Variants in ANKRD62 observed in about 807,000 individuals in gnomAD.
ANKRD62 encodes the protein ankyrin repeat domain-containing protein 62.
In ANKRD62, 61 loss-of-function variants were observed where a neutral mutation model predicts 98.8. That is an observed-to-expected ratio of 0.62 (90% CI 0.50 to 0.76). The LOEUF is 0.76. Among genes scored for constraint, ANKRD62 ranks in the 30% least tolerant of loss-of-function variants. ANKRD62 has a pLI of 0.00. For missense variants in ANKRD62, 933 were observed against 1,082.9 expected (o/e 0.86, Z 1.94); for synonymous variants, 341 against 367.9 (o/e 0.93, Z 0.84).
Position 12,125,813 on chromosome 18 carries a change from A to C in ANKRD62, c.1992A>C (p.Leu664=). The change falls in exon 13 of 14, where the codon CTA becomes CTC. Residue 664 remains leucine, a synonymous_variant. Coordinates refer to ENST00000587848, the MANE Select transcript of ANKRD62 (RefSeq NM_001277333.2). The part of the protein sequence containing the change: ...ESYRCRLAAA[L]CDHDQRQSSK... ...ACCGTTGTAGACTGGCTGCTGCCCTATGTGATCATGATCAACGTCAGTCAT... is the reference window on the plus strand; with the variant it reads ...ACCGTTGTAGACTGGCTGCTGCCCTCTGTGATCATGATCAACGTCAGTCAT... 6.5e-7 allele frequency: 1 copy of C among 1,549,576 alleles called. No homozygotes were observed. Among genetic ancestry groups the C allele is most frequent in the Non-Finnish European group, 8.7e-7 (1 of 1,147,204 alleles).
rs542102374 is a variant in ANKRD62 at position 12,102,901 on chromosome 18, T to C, written c.821-257T>C. Reference sequence around the variant, plus strand: ...TCATTTATATTGTTGGGTGGATTCATTTGTGAGCGAATCTTTGAGATGTTG... The same window carrying C: ...TCATTTATATTGTTGGGTGGATTCACTTGTGAGCGAATCTTTGAGATGTTG... On this transcript the variant is annotated intron_variant, in intron 6 of 13. Coordinates refer to ENST00000587848, the MANE Select transcript of ANKRD62 (RefSeq NM_001277333.2). 5 of 560,914 alleles carry C rather than the reference T, an allele frequency of 8.9e-6. No individual in the cohort carries two copies. In the South Asian group the frequency reaches 2.5e-4, roughly 29 times the overall value. 34.7% of individuals were successfully genotyped at this position (560,914 alleles called of 1,614,324 possible).
downstream of ANKRD62, among the ~76,000 whole-genome samples, chr18:12,130,846 C>G (rs542616906): frequency 2.0e-5 from 3 of 152,178 alleles, no homozygotes; most frequent in Admixed American, 1.3e-4. Context: ...TGCGTGCAGC[C>G]ACACCAGGCT....
chr18:12,139,218 A>G, the ANKRD62 span, among the ~76,000 whole-genome samples: 2 of 151,936 alleles, frequency 1.3e-5, no homozygotes, highest in African/African-American at 2.4e-5. Context: ...TTCCTTCAGG[A>G]GCTCTTTTAG....
chr18:12,130,202 T>TA (rs34956292), downstream of ANKRD62, among the ~76,000 whole-genome samples: 46,917 of 151,884 alleles, frequency 0.31, 7,918 homozygotes, highest in Middle Eastern at 0.4. Context: ...AAAACAAAGG[T>TA]AAAAAAATAA....
At chr18:12,162,018 G>A in the ANKRD62 span, among the ~76,000 whole-genome samples, 1 of 152,070 alleles carries the variant, frequency 6.6e-6, no homozygotes, top group Non-Finnish European at 1.5e-5. Context: ...AGAATCTAAT[G>A]TCCTTTCTTT....
chr18:12,139,920 G>T, the ANKRD62 span, among the ~76,000 whole-genome samples: 57 of 152,200 alleles, frequency 3.7e-4, no homozygotes, highest in Admixed American at 1.4e-3. Context: ...GAAGTTCTCC[G>T]GGATAATATC....
rs1201241888 is a variant in ANKRD62, at chr18:12,125,891, T to C, written c.2070T>C (p.His690=). 6.5e-7 allele frequency: 1 copy of C among 1,542,694 alleles called. No individual in the cohort carries two copies. Among genetic ancestry groups the C allele is most frequent in the South Asian group, 1.2e-5 (1 of 84,060 alleles). The part of the protein sequence containing the change: ...AFQSTVNEWC[H]LQEDTNSHIQ... ...AGAGCACAGTGAATGAATGGTGTCA[T>C]TTACAAGAAGACACTAATTCTCACA... The change falls in exon 13 of 14, where the codon CAT becomes CAC. Residue 690 remains histidine (H), a synonymous_variant. Coordinates refer to ENST00000587848, the MANE Select transcript of ANKRD62 (RefSeq NM_001277333.2).
At chr18:12,159,987 A>G in the ANKRD62 span, among the ~76,000 whole-genome samples, 1 of 152,160 alleles carries the variant, frequency 6.6e-6, no homozygotes, top group Non-Finnish European at 1.5e-5. Flanking sequence ...TACAATATTT[A>G]TTACTACCTT....
At chr18:12,104,802 C>G (rs557058613) in intron 7 of ANKRD62, among the ~76,000 whole-genome samples, 1 of 152,208 alleles carries the variant, frequency 6.6e-6, no homozygotes, top group East Asian at 1.9e-4. Context: ...AATAGTGCAG[C>G]CTCATAAATG....
intron 11 of ANKRD62, among the ~76,000 whole-genome samples, chr18:12,123,412 C>T (rs1909823268): frequency 1.3e-5 from 2 of 152,136 alleles, no homozygotes; most frequent in Non-Finnish European, 2.9e-5. Flanking sequence ...TACTGATTAG[C>T]TTAGTGAACA....
the ANKRD62 span, among the ~76,000 whole-genome samples, chr18:12,154,428 A>T: frequency 6.6e-6 from 1 of 152,196 alleles, no homozygotes; most frequent in Non-Finnish European, 1.5e-5. Context: ...TGGCTGTTAT[A>T]AGAAAGTCAG....
intron 10 of ANKRD62, among the ~76,000 whole-genome samples, chr18:12,120,426 T>C (rs957567419): frequency 3.3e-5 from 5 of 152,238 alleles, no homozygotes; most frequent in Non-Finnish European, 7.3e-5. Flanking sequence ...TGCTATGAAA[T>C]CTACTTTGAT....
At chr18:12,156,094 C>T in the ANKRD62 span, among the ~76,000 whole-genome samples, 1 of 151,522 alleles carries the variant, frequency 6.6e-6, no homozygotes, top group Non-Finnish European at 1.5e-5. Flanking sequence ...CTCCCTCTCC[C>T]TCCCTTTCTC....
intron 8 of ANKRD62, among the ~76,000 whole-genome samples, chr18:12,111,104 C>G (rs2143912384): frequency 6.6e-6 from 1 of 152,090 alleles, no homozygotes; most frequent in East Asian, 1.9e-4. Context: ...AAAAAATTAG[C>G]CAGACGTGGT....
intron 4 of ANKRD62, among the ~76,000 whole-genome samples, chr18:12,097,199 T>C (rs996642139): frequency 2.0e-5 from 3 of 152,222 alleles, no homozygotes; most frequent in African/African-American, 7.2e-5. Context: ...CATTCTTAAC[T>C]GAAACTACTG....
rs1287781788 is a variant in ANKRD62 at position 12,115,085 on chromosome 18, T to C, written c.1065-3T>C. The C allele has an allele frequency of 7.1e-7, 1 of 1,400,060 alleles. No individual in the cohort carries two copies. Among genetic ancestry groups the C allele is most frequent in the Admixed American group, 3.1e-5 (1 of 32,256 alleles). The allele number at this position is 1,400,060 out of a possible 1,614,324, so 86.7% of individuals were successfully genotyped here. A position where few individuals can be genotyped will look rare whatever the true frequency, so the allele number is the denominator to read the frequency against. ...GATTGGAATTTTTTGGTTTTTTTTT[T>C]AGGCTTGCAAGGAAAACCTCTAATG... On this transcript the variant is annotated splice_region_variant and splice_polypyrimidine_tract_variant and intron_variant, in intron 8 of 13. Transcript: ENST00000587848.
chr18:12,120,390 A>G (rs1351049038), intron 10 of ANKRD62, among the ~76,000 whole-genome samples: 2 of 152,126 alleles, frequency 1.3e-5, no homozygotes, highest in African/African-American at 4.8e-5. Context: ...TTGTGACGTG[A>G]CCTTATTTAT....
At chr18:12,149,885 A>G in the ANKRD62 span, among the ~76,000 whole-genome samples, 2,085 of 148,696 alleles carry the variant, frequency 0.014, 3 homozygotes, top group African/African-American at 0.049. Context: ...CCAGAGTGCC[A>G]TACGTCCTCC....
At position 12,097,708 on chromosome 18, in the gene ANKRD62, T is replaced by G. The variant is rs914303119; in HGVS notation, c.683T>G (p.Ile228Ser). The G allele has an allele frequency of 2.1e-5, 32 of 1,535,942 alleles. No homozygotes were observed. In the Admixed American group the frequency reaches 6.3e-4, roughly 30 times the overall value. Residue 228 changes from isoleucine to serine, a missense_variant, in exon 5 of 14, where the codon ATT becomes AGT. By Grantham distance (142) the Ile-to-Ser change is moderately radical. Coordinates refer to ENST00000587848, the MANE Select transcript of ANKRD62 (RefSeq NM_001277333.2). ...SVVYQLLQHN[I>S]DVFCQDISGW... ...GTCTACCAGCTTCTTCAGCACAATATTGATGTCTTTTGCCAAGATATATCT... is the reference window on the plus strand; with the variant it reads ...GTCTACCAGCTTCTTCAGCACAATAGTGATGTCTTTTGCCAAGATATATCT...
Sources: allele counts gnomAD v4.1 joint callset (sites outside exome capture counted in the v4.1 genomes callset), GRCh38; gene constraint gnomAD v4.1.1; transcripts MANE v1.5; gene names NCBI Gene and HGNC (gene_info 2026-07-23, HGNC 2026-07-21).